LARP4B: variants seen among roughly 807,000 people sequenced by gnomAD.
LARP4B encodes the protein la-related protein 4B.
Under a neutral mutation model 89.8 loss-of-function variants are expected in LARP4B, and 12 were observed. The ratio of observed to expected loss-of-function variants is 0.13; its 90% confidence interval spans 0.09 to 0.22. The LOEUF is 0.22. LARP4B is among the 10% of genes least tolerant of loss of function. LARP4B has a pLI of 1.00. For missense variants in LARP4B, 757 were observed against 947.7 expected, an observed-to-expected ratio of 0.80 and a Z score of 2.64; for synonymous variants, 367 against 363.3, an observed-to-expected ratio of 1.01 and a Z score of -0.12.
At chr10:886,476 C>T (rs945881948) in intron 1 of LARP4B, among the ~76,000 whole-genome samples, 3 of 152,172 alleles carry the variant, frequency 2.0e-5, no homozygotes, top group African/African-American at 7.2e-5. Flanking sequence ...GAAATCACCA[C>T]CTCATAAGAA....
intron 3 of LARP4B, among the ~76,000 whole-genome samples, chr10:878,340 G>A (rs1478951170): frequency 2.6e-5 from 4 of 152,194 alleles, no homozygotes; most frequent in Non-Finnish European, 5.9e-5. Flanking sequence ...AGTGACTGCA[G>A]CTGTCCAGGT....
chr10:855,282 T>G (rs948084116), intron 5 of LARP4B, among the ~76,000 whole-genome samples: 2 of 152,244 alleles, frequency 1.3e-5, no homozygotes, highest in Admixed American at 6.5e-5. Flanking sequence ...GTTAACTGTT[T>G]GGCTCCAGAG....
chr10:913,118 G>A (rs559254410), intron 1 of LARP4B, among the ~76,000 whole-genome samples: 1 of 152,230 alleles, frequency 6.6e-6, no homozygotes, highest in East Asian at 1.9e-4. Context: ...CTGCCTTTGG[G>A]ATGTAAGTTT....
At chr10:938,036 C>CA in the LARP4B span, among the ~76,000 whole-genome samples, 1 of 151,524 alleles carries the variant, frequency 6.6e-6, no homozygotes, top group South Asian at 2.1e-4. Flanking sequence ...AGGCACGCAC[C>CA]ACCACACCTG....
chr10:833,249 T>TA (rs56788542), intron 8 of LARP4B, among the ~76,000 whole-genome samples: 1,803 of 51,902 alleles, frequency 0.035, 146 homozygotes, highest in East Asian at 0.1. Flanking sequence ...TGATGAGCTT[T>TA]AAAAAAAAAA....
intron 3 of LARP4B, among the ~76,000 whole-genome samples, chr10:884,060 C>G (rs1023226826): frequency 6.6e-6 from 1 of 152,108 alleles, no homozygotes; most frequent in African/African-American, 2.4e-5. Flanking sequence ...AAATGTGAAA[C>G]AAATTTTCTG....
Position 882,024 on chromosome 10 carries a change from T to A in LARP4B, c.141+2423A>T, listed in dbSNP as rs533706029. ...GAGCTGGCCACAGAAGGGAACAGAA[T>A]GTGGAGACACAGAGCATGTTTGTGC... is the stretch of plus-strand genomic sequence containing the variant. On this transcript the variant is annotated intron_variant, in intron 3 of 17. Coordinates refer to ENST00000316157, the MANE Select transcript of LARP4B (RefSeq NM_015155.3). Among the ~76,000 whole-genome samples the A allele has an allele frequency of 2.1e-4, 32 of 152,230 alleles. No homozygotes were observed. The South Asian group carries it at 5.0e-3, about 24-fold the overall frequency.
the LARP4B span, among the ~76,000 whole-genome samples, chr10:959,768 G>A: frequency 0.029 from 653 of 22,828 alleles, 76 homozygotes; most frequent in African/African-American, 0.07. Flanking sequence ...CCACCTCCCC[G>A]TCATTCCCAC....
At chr10:820,533 A>C (rs1338135990) in intron 14 of LARP4B, 2 of 437,202 alleles carry the variant, frequency 4.6e-6, no homozygotes, top group Middle Eastern at 5.9e-4. Flanking sequence ...TGCATGCGAC[A>C]GCAAGTTCCT....
rs1001290432 is a variant in LARP4B, at chr10:813,347, T to C, written c.1930-134A>G. The C allele has an allele frequency of 5.7e-6, 5 of 873,646 alleles. No individual in the cohort carries two copies. In the African/African-American group the frequency reaches 8.7e-5, roughly 15 times the overall value. The allele number at this position is 873,646 out of a possible 1,614,324, so 54.1% of individuals were successfully genotyped here. ...CATCTTCACTAGTGTTTTTAACTTT[T>C]AAAAAGTTCATAAAATCTAATGATT... is the stretch of plus-strand genomic sequence containing the variant. On this transcript the variant is annotated intron_variant, in intron 17 of 17. Transcript: ENST00000316157.
chr10:851,304 C>T (rs1834038762), intron 5 of LARP4B, among the ~76,000 whole-genome samples: 1 of 151,890 alleles, frequency 6.6e-6, no homozygotes, highest in Non-Finnish European at 1.5e-5. Flanking sequence ...CTGCCTCAGC[C>T]TCCCGAGGAG....
At chr10:880,587 G>C (rs1338106607) in intron 3 of LARP4B, among the ~76,000 whole-genome samples, 1 of 152,092 alleles carries the variant, frequency 6.6e-6, no homozygotes, top group Non-Finnish European at 1.5e-5. Context: ...TCAGAAGGCT[G>C]AGGCACAAGA....
chr10:870,540 T>A (rs2131874320), intron 3 of LARP4B, among the ~76,000 whole-genome samples: 1 of 152,264 alleles, frequency 6.6e-6, no homozygotes, highest in African/African-American at 2.4e-5. Context: ...TTCTCAAAAC[T>A]CACCTTAGCA....
intron 14 of LARP4B, chr10:820,485 C>A (rs890168974): frequency 4.7e-5 from 14 of 298,890 alleles, no homozygotes; most frequent in Admixed American, 9.4e-5. Context: ...AGCTGCCACA[C>A]AGAAGAGCTC....
intron 3 of LARP4B, among the ~76,000 whole-genome samples, chr10:875,175 A>G (rs1021590891): frequency 2.0e-5 from 3 of 152,248 alleles, no homozygotes; most frequent in Admixed American, 6.5e-5. Context: ...ATAGTAAAGC[A>G]GAGAAGCTCA....
chr10:847,044 C>G (rs1833811555), intron 5 of LARP4B, among the ~76,000 whole-genome samples: 1 of 152,096 alleles, frequency 6.6e-6, no homozygotes, highest in South Asian at 2.1e-4. Context: ...TCGACAAATG[C>G]TGCTTAGGAC....
intron 3 of LARP4B, among the ~76,000 whole-genome samples, chr10:877,182 T>C (rs1191368158): frequency 6.6e-6 from 1 of 152,100 alleles, no homozygotes; most frequent in Non-Finnish European, 1.5e-5. Context: ...ATATCTGAAA[T>C]AGCCTCGCCA....
chr10:986,491 C>T, the LARP4B span: 1 of 152,158 alleles, frequency 6.6e-6, no homozygotes, highest in Admixed American at 6.5e-5. Flanking sequence ...TACTTGCCCC[C>T]AAGAAGCTAT....
chr10:908,363 TA>T (rs1190089202), intron 1 of LARP4B, among the ~76,000 whole-genome samples: 1 of 152,186 alleles, frequency 6.6e-6, no homozygotes, highest in African/African-American at 2.4e-5. Flanking sequence ...GCATCCTTTG[TA>T]ATATCCTTCA....
Sources: gnomAD v4.1 joint callset for allele counts (sites outside exome capture counted in the v4.1 genomes callset) on GRCh38, gnomAD v4.1.1 for gene constraint, MANE v1.5 for transcripts, NCBI Gene and HGNC (gene_info 2026-07-23, HGNC 2026-07-21) for gene names.